SLC12A2: variants seen among roughly 807,000 people sequenced by gnomAD.
The protein encoded by SLC12A2 is solute carrier family 12 member 2.
SLC12A2 carries 67 observed loss-of-function variants against 136.3 expected under a neutral mutation model. That is an observed-to-expected ratio of 0.49 (90% CI 0.40 to 0.60). The LOEUF is 0.60. SLC12A2 is among the 20% of genes least tolerant of loss of function. The pLI, the probability that SLC12A2 is intolerant of heterozygous loss-of-function variation, is 0.00. For missense variants in SLC12A2, 1,322 were observed against 1,534.7 expected, an observed-to-expected ratio of 0.86 and a Z score of 2.32; for synonymous variants, 619 against 562.9, an observed-to-expected ratio of 1.10 and a Z score of -1.41.
At chr5:128,101,927 C>T (rs1031140396) in intron 1 of SLC12A2, among the ~76,000 whole-genome samples, 1 of 152,096 alleles carries the variant, frequency 6.6e-6, no homozygotes, top group African/African-American at 2.4e-5. Flanking sequence ...TATTTGTATG[C>T]AAAAGTCCTT....
chr5:128,154,973 T>G (rs1039852289), intron 15 of SLC12A2, among the ~76,000 whole-genome samples: 65 of 141,538 alleles, frequency 4.6e-4, no homozygotes, highest in Middle Eastern at 3.6e-3. Flanking sequence ...CATTTTACAG[T>G]TTTTTTTTTT....
chr5:128,089,404 A>T (rs1760225366), intron 1 of SLC12A2, among the ~76,000 whole-genome samples: 1 of 152,126 alleles, frequency 6.6e-6, no homozygotes, highest in African/African-American at 2.4e-5. Context: ...GTCTAAAAAA[A>T]AATAGTAGTA....
chr5:128,177,148 A>G lies in SLC12A2; in HGVS notation c.2973A>G (p.Lys991=), dbSNP rs1763564492. The part of the protein sequence containing the change: ...DGKTATQPLL[K]KESKGPIVPL... ...AGACTGCAACTCAACCACTGTTGAA[A>G]AAAGGCAGGCATTTTTCATCATTTT... The change falls in exon 21 of 27, where the codon AAA becomes AAG. Residue 991 remains lysine (K), a synonymous_variant. Transcript: ENST00000262461. The G allele has an allele frequency of 6.3e-7, 1 of 1,594,318 alleles. No individual in the cohort carries two copies. Among genetic ancestry groups the G allele is most frequent in the Non-Finnish European group, 8.5e-7 (1 of 1,172,874 alleles).
intron 5 of SLC12A2, 111 bp downstream of exon 5, chr5:128,131,317 G>A (rs1393317898): frequency 3.7e-6 from 4 of 1,090,536 alleles, no homozygotes; most frequent in African/African-American, 3.1e-5. Context: ...CAAGAGATTC[G>A]TCCTTCATAA....
chr5:128,186,584 C>A lies in SLC12A2; in HGVS notation c.3592C>A (p.Leu1198Ile), dbSNP rs1234668020. 3 of 1,613,898 alleles carry A rather than the reference C, an allele frequency of 1.9e-6. No individual in the cohort carries two copies. The Admixed American group carries it at 5.0e-5, about 27-fold the overall frequency. The change falls in exon 27 of 27, where the codon CTC becomes ATC. Residue 1198 changes from leucine (L) to isoleucine (I), a missense_variant. Transcript: ENST00000262461. Reference sequence around the variant, plus strand: ...TCTATCTAAGGACCTACCACCAATCCTCCTAGTTCGTGGGAATCATCAGAG... The same window carrying A: ...TCTATCTAAGGACCTACCACCAATCATCCTAGTTCGTGGGAATCATCAGAG... ...EALSKDLPPILLVRGNHQSVL... is the reference protein window; with the variant it reads ...EALSKDLPPIILVRGNHQSVL...
chr5:128,184,085 TG>T (rs1489101000), intron 24 of SLC12A2, among the ~76,000 whole-genome samples: 2 of 152,066 alleles, frequency 1.3e-5, no homozygotes, highest in African/African-American at 4.8e-5. Flanking sequence ...GACATCGTAT[TG>T]GTGCTTAGAA....
chr5:128,143,109 C>G (rs1019825946), intron 10 of SLC12A2, among the ~76,000 whole-genome samples: 1 of 151,980 alleles, frequency 6.6e-6, no homozygotes, highest in African/African-American at 2.4e-5. Context: ...TTTGTATTTT[C>G]TTTGATTTTC....
In SLC12A2 at chr5:128,121,423, C is replaced by T. The variant is rs187284786; in HGVS notation, c.1048+6742C>T. Among the ~76,000 whole-genome samples, 14 of 151,972 alleles carry T rather than the reference C, an allele frequency of 9.2e-5. 1 individual carries two copies. In the East Asian group the frequency reaches 1.2e-3, roughly 13 times the overall value. ...CTGCAAGCTCTGCCTCCTGGGTTCA[C>T]GCCATTCTCCTGCCTCAGCCTCCCG... On this transcript the variant is annotated intron_variant, in intron 4 of 26. Coordinates refer to ENST00000262461, the MANE Select transcript of SLC12A2 (RefSeq NM_001046.3).
intron 1 of SLC12A2, among the ~76,000 whole-genome samples, chr5:128,085,685 T>C (rs1760077204): frequency 6.6e-6 from 1 of 152,208 alleles, no homozygotes; most frequent in Non-Finnish European, 1.5e-5. Context: ...CGCAAGAGGA[T>C]GGTACCACAT....
intron 16 of SLC12A2, among the ~76,000 whole-genome samples, chr5:128,159,421 A>G (rs1762963039): frequency 6.6e-6 from 1 of 152,200 alleles, no homozygotes; most frequent in Admixed American, 6.5e-5. Flanking sequence ...AACTAAACTA[A>G]AGAACTTCTG....
intron 13 of SLC12A2, among the ~76,000 whole-genome samples, chr5:128,150,594 A>G (rs1305164165): frequency 3.3e-5 from 5 of 151,806 alleles, no homozygotes; most frequent in South Asian, 2.1e-4. Context: ...TTCTAACATC[A>G]GGTTTTTACT....
chr5:128,104,112 G>A (rs1283681880), intron 1 of SLC12A2, among the ~76,000 whole-genome samples: 2 of 152,086 alleles, frequency 1.3e-5, no homozygotes, highest in African/African-American at 4.8e-5. Flanking sequence ...AGGTTGCAGT[G>A]GGAAAGTATC....
chr5:128,120,385 T>C (rs1456925498), intron 4 of SLC12A2, among the ~76,000 whole-genome samples: 36 of 150,428 alleles, frequency 2.4e-4, no homozygotes, highest in Non-Finnish European at 4.1e-4. Flanking sequence ...CTATAAATCA[T>C]GCTGCTATAA....
intron 10 of SLC12A2, among the ~76,000 whole-genome samples, 160 bp downstream of exon 10, chr5:128,142,141 C>T (rs368431956): frequency 6.6e-5 from 10 of 152,232 alleles, no homozygotes; most frequent in Admixed American, 3.3e-4. Context: ...CTCACTCTGT[C>T]GCCCAGGCTG....
chr5:128,105,549 G>A lies in SLC12A2; in HGVS notation c.757-7265G>A, dbSNP rs116727046. On this transcript the variant is annotated intron_variant, in intron 1 of 26. Coordinates refer to ENST00000262461, the MANE Select transcript of SLC12A2 (RefSeq NM_001046.3). The stretch of plus-strand genomic sequence containing the variant: ...AACGATTTTGGTGTTGTGGTGAGGG[G>A]AAGCCAGGTTGGCTTGCGTTTAAGA... 5.5e-3 allele frequency among the ~76,000 whole-genome samples: 840 copies of A among 152,266 alleles called. 2 individuals carry two copies. Among genetic ancestry groups the A allele is most frequent in the Middle Eastern group, 0.024 (7 of 294 alleles).
At chr5:128,177,826 A>T (rs1161288721) in intron 21 of SLC12A2, among the ~76,000 whole-genome samples, 4 of 152,124 alleles carry the variant, frequency 2.6e-5, no homozygotes, top group Non-Finnish European at 5.9e-5. Context: ...TTGCTTGCTC[A>T]CAGAATCAAT....
chr5:128,112,680 G>A (rs1424137447), intron 1 of SLC12A2, 134 bp from the exon 2 acceptor site: 1 of 559,734 alleles, frequency 1.8e-6, no homozygotes, highest in African/African-American at 1.9e-5. Context: ...TAAAATATTT[G>A]GAAACCCTTG....
chr5:128,109,839 A>G, intron 1 of SLC12A2: 1 of 786,566 alleles, frequency 1.3e-6, no homozygotes, highest in Admixed American at 1.7e-5. Context: ...CAAGGTCAAG[A>G]TGTGGCCAAA....
At chr5:128,149,479 A>T (rs532730681) in intron 12 of SLC12A2, among the ~76,000 whole-genome samples, 1 of 151,912 alleles carries the variant, frequency 6.6e-6, no homozygotes, top group Non-Finnish European at 1.5e-5. Context: ...ATATATACTT[A>T]AAGAGCCATA....
Sources: gnomAD v4.1 joint callset for allele counts (sites outside exome capture counted in the v4.1 genomes callset) on GRCh38, gnomAD v4.1.1 for gene constraint, MANE v1.5 for transcripts, NCBI Gene and HGNC (gene_info 2026-07-23, HGNC 2026-07-21) for gene names.